Variants in DDX60L observed in about 807,000 individuals in gnomAD.
The protein encoded by DDX60L is probable ATP-dependent RNA helicase DDX60-like.
A neutral mutation model predicts 211.6 loss-of-function variants in DDX60L; 191 were observed. That is an observed-to-expected ratio of 0.90 (90% confidence interval 0.80 to 1.02). DDX60L has a LOEUF of 1.02. Ranked by LOEUF, DDX60L falls within the 50% of genes least tolerant of loss-of-function variation. The probability of loss-of-function intolerance (pLI) is 0.00; values close to 1 mark genes in which losing one functional copy is unlikely to be tolerated. For missense variants in DDX60L, 2,007 were observed against 1,984.1 expected, an observed-to-expected ratio of 1.01 and a Z score of -0.22; for synonymous variants, 706 against 694.1, an observed-to-expected ratio of 1.02 and a Z score of -0.27.
intron 25 of DDX60L, among the ~76,000 whole-genome samples, chr4:168,403,255 G>A (rs553657947): frequency 3.9e-5 from 6 of 152,306 alleles, no homozygotes; most frequent in African/African-American, 7.2e-5. Context: ...CTTCGGATGC[G>A]TAACAGAACA....
At position 168,472,464 on chromosome 4, in the gene DDX60L, G is replaced by C; in HGVS notation, c.65C>G (p.Pro22Arg). The change falls in exon 3 of 38, where the codon CCA (proline) becomes CGA (arginine). Residue 22 changes from proline (P) to arginine (R), a missense_variant. By Grantham distance (103) the Pro-to-Arg change is moderately radical. Transcript: ENST00000682922. Reference sequence around the variant, plus strand: ...ACTTCACAGTACTTACCCAGCTTTTGGCATTTCATTCAAAATTAACTGTGT... The same window carrying C: ...ACTTCACAGTACTTACCCAGCTTTTCGCATTTCATTCAAAATTAACTGTGT... ...EMTQLILNEM[P>R]KAGYSSILND... 2 of 1,563,424 alleles carry C rather than the reference G, an allele frequency of 1.3e-6. No individual in the cohort carries two copies. The highest frequency in any genetic ancestry group is 1.7e-6 in the Non-Finnish European group (2 of 1,152,586).
chr4:168,467,865 G>A (rs1369139564), intron 4 of DDX60L, among the ~76,000 whole-genome samples: 1 of 152,026 alleles, frequency 6.6e-6, no homozygotes, highest in East Asian at 1.9e-4. Context: ...CCAAACGAAG[G>A]CATTATAAAA....
rs1757381558 is a variant in DDX60L, at chr4:168,462,005, A to T, written c.300T>A (p.Leu100=). 6.2e-7 allele frequency: 1 copy of T among 1,609,368 alleles called. No homozygotes were observed. The highest frequency in any genetic ancestry group is 8.5e-7 in the Non-Finnish European group (1 of 1,177,122). The change falls in exon 5 of 38, where the codon CTT becomes CTA. Residue 100 remains leucine, a synonymous_variant. Transcript: ENST00000682922. ...GAATTAAAGCGGTCCTCAATGAAAG[A>T]AGTTCAGGAAAATCAAAATATGCAT... ...AEYAYFDFPE[L]LSLRTALILH...
chr4:168,369,664 A>G (rs1740644728), intron 36 of DDX60L, among the ~76,000 whole-genome samples: 1 of 151,916 alleles, frequency 6.6e-6, no homozygotes, highest in Non-Finnish European at 1.5e-5. Flanking sequence ...GATGGGAGAA[A>G]AATATCGACA....
intron 36 of DDX60L, among the ~76,000 whole-genome samples, chr4:168,369,800 A>G (rs1740670717): frequency 6.6e-6 from 1 of 152,224 alleles, no homozygotes; most frequent in South Asian, 2.1e-4. Flanking sequence ...ACAAAAGGCC[A>G]ACAGGTATAT....
chr4:168,478,664 A>T (rs191181203), intron 1 of DDX60L, among the ~76,000 whole-genome samples: 1 of 152,338 alleles, frequency 6.6e-6, no homozygotes, highest in Non-Finnish European at 1.5e-5. Context: ...AAAGCCATAA[A>T]GCTAATCCTG....
chr4:168,457,972 T>C lies in DDX60L; in HGVS notation c.643A>G (p.Ile215Val), dbSNP rs1223958786. The change falls in exon 6 of 38, where the codon ATA (isoleucine) becomes GTA (valine). Residue 215 changes from isoleucine (I) to valine (V), a missense_variant. Physicochemically the swap from Ile to Val is conservative, Grantham distance 29 (BLOSUM62 3). Coordinates refer to ENST00000682922, the MANE Select transcript of DDX60L (RefSeq NM_001012967.3). ...ACCCTTATTTCTTCCAAGTGTTGTATGAGGCTTTTATATGCACTCTGAATC... is the reference window on the plus strand; with the variant it reads ...ACCCTTATTTCTTCCAAGTGTTGTACGAGGCTTTTATATGCACTCTGAATC... ...TVIQSAYKSL[I>V]QHLEEIRVLV... 1 of 1,568,146 alleles carries C rather than the reference T, an allele frequency of 6.4e-7. No individual in the cohort carries two copies.
intron 20 of DDX60L, 43 bp from the exon 21 acceptor site, chr4:168,415,842 G>A: frequency 7.3e-7 from 1 of 1,377,606 alleles, no homozygotes. Flanking sequence ...AAATATAGAA[G>A]TATTTATCAA....
At chr4:168,467,713 G>A (rs1758195041) in intron 4 of DDX60L, among the ~76,000 whole-genome samples, 1 of 152,040 alleles carries the variant, frequency 6.6e-6, no homozygotes, top group Non-Finnish European at 1.5e-5. Flanking sequence ...GACCCAAATG[G>A]TTTCACAGGA....
intron 13 of DDX60L, among the ~76,000 whole-genome samples, chr4:168,428,395 T>C (rs1265379079): frequency 6.6e-6 from 1 of 152,164 alleles, no homozygotes; most frequent in Non-Finnish European, 1.5e-5. Flanking sequence ...CCTTTGCAAC[T>C]TCAGCCTGGT....
chr4:168,393,610 A>G (rs1367802774), intron 28 of DDX60L, among the ~76,000 whole-genome samples: 4 of 152,190 alleles, frequency 2.6e-5, no homozygotes, highest in Non-Finnish European at 4.4e-5. Flanking sequence ...TCTGAAACAT[A>G]CTAACAAAAA....
chr4:168,362,346 C>T (rs1739252823), intron 36 of DDX60L, among the ~76,000 whole-genome samples: 1 of 152,194 alleles, frequency 6.6e-6, no homozygotes, highest in Admixed American at 6.5e-5. Context: ...ATAGACACTG[C>T]CACACAGCTG....
chr4:168,448,668 C>T lies in DDX60L; in HGVS notation c.1108G>A (p.Ala370Thr). ...LYDEQLLKNI[A>T]FYYEFESTQE... is the part of the protein sequence containing the mutation. ...GTACTTTCAAATTCATAGTAGAAGG[C>T]TATATTCTTTAACAATTGCTCATCA... Residue 370 changes from alanine (A) to threonine (T), a missense_variant, in exon 9 of 38, where the codon GCC becomes ACC. Coordinates refer to ENST00000682922, the MANE Select transcript of DDX60L (RefSeq NM_001012967.3). 1.3e-6 allele frequency: 2 copies of T among 1,579,216 alleles called. No individual in the cohort carries two copies. Among genetic ancestry groups the T allele is most frequent in the Non-Finnish European group, 1.7e-6 (2 of 1,153,640 alleles).
chr4:168,366,079 T>G (rs1739937060), intron 36 of DDX60L, among the ~76,000 whole-genome samples: 1 of 151,920 alleles, frequency 6.6e-6, no homozygotes, highest in African/African-American at 2.4e-5. Flanking sequence ...CGATCAGGAA[T>G]AAGACAAGGA....
chr4:168,449,651 G>GAAAAAAAAAA (rs1561098576), intron 8 of DDX60L, among the ~76,000 whole-genome samples: 1 of 7,502 alleles, frequency 1.3e-4, no homozygotes, highest in Non-Finnish European at 2.2e-4. Context: ...AAAAAAAAAT[G>GAAAAAAAAAA]CAAAAAAAAA....
At chr4:168,362,961 A>G (rs1193244214) in intron 36 of DDX60L, among the ~76,000 whole-genome samples, 1 of 152,178 alleles carries the variant, frequency 6.6e-6, no homozygotes, top group Non-Finnish European at 1.5e-5. Flanking sequence ...TAAGAAGCTC[A>G]AAAGTCCCCA....
chr4:168,427,062 T>A lies in DDX60L; in HGVS notation c.1930+8A>T, dbSNP rs972261363. On this transcript the variant is annotated splice_region_variant and intron_variant, in intron 14 of 37. Transcript: ENST00000682922. ...TACTCTTTATCCATAGAGTATGGAG[T>A]CCCATACCTTCACCTCGGCAATGTT... 2 of 1,596,470 alleles carry A rather than the reference T, an allele frequency of 1.3e-6. No homozygotes were observed. Among genetic ancestry groups the A allele is most frequent in the South Asian group, 2.3e-5 (2 of 88,404 alleles).
intron 5 of DDX60L, among the ~76,000 whole-genome samples, chr4:168,459,738 A>G (rs1449731124): frequency 1.7e-5 from 2 of 117,626 alleles, no homozygotes; most frequent in Non-Finnish European, 3.6e-5. Context: ...CCTAGGCAAT[A>G]TATCAAGACA....
chr4:168,382,095 G>T (rs1743068728), intron 30 of DDX60L, among the ~76,000 whole-genome samples: 1 of 152,074 alleles, frequency 6.6e-6, no homozygotes, highest in Non-Finnish European at 1.5e-5. Flanking sequence ...CCATGATAAT[G>T]AATATATAAG....
Sources: gnomAD v4.1 joint callset for allele counts (sites outside exome capture counted in the v4.1 genomes callset) on GRCh38, gnomAD v4.1.1 for gene constraint, MANE v1.5 for transcripts, NCBI Gene and HGNC (gene_info 2026-07-23, HGNC 2026-07-21) for gene names.